The following PRELID2 variants were observed in gnomAD, a reference collection of about 807,000 sequenced individuals.
PRELID2 encodes PRELI domain-containing protein 2.
In PRELID2, 25 loss-of-function variants were observed where a neutral mutation model predicts 28.4. The observed-to-expected ratio is 0.88, with a 90% CI of 0.64 to 1.23. The LOEUF (loss-of-function observed/expected upper bound fraction) is 1.23. Ranked by LOEUF, PRELID2 falls within the 50% of genes most tolerant of loss-of-function variation. PRELID2 has a pLI of 0.00. For synonymous variants in PRELID2, 76 were observed against 71.6 expected (o/e 1.06, Z -0.31); for missense variants, 201 against 214.4 (o/e 0.94, Z 0.39).
the PRELID2 span, among the ~76,000 whole-genome samples, chr5:145,274,243 G>A: frequency 6.6e-6 from 1 of 152,142 alleles, no homozygotes; most frequent in Non-Finnish European, 1.5e-5. Context: ...CAATAGAATG[G>A]TGTATGATCC....
At chr5:145,736,012 G>A (rs1346343120) in intron 1 of PRELID2, among the ~76,000 whole-genome samples, 1 of 152,094 alleles carries the variant, frequency 6.6e-6, no homozygotes, top group Non-Finnish European at 1.5e-5. Flanking sequence ...TGTCACCCAG[G>A]ACCTCTCATC....
At chr5:145,399,243 T>C in the PRELID2 span, among the ~76,000 whole-genome samples, 2 of 152,064 alleles carry the variant, frequency 1.3e-5, no homozygotes, top group Admixed American at 1.3e-4. Context: ...AATGTGGTGA[T>C]AGAAAATGAG....
chr5:145,436,954 C>T, the PRELID2 span: 1 of 152,184 alleles, frequency 6.6e-6, no homozygotes, highest in Admixed American at 6.5e-5. Context: ...CCTAACACAT[C>T]ATATGGAATG....
At chr5:145,533,984 T>G (rs1304689794) in intron 1 of PRELID2, among the ~76,000 whole-genome samples, 1 of 152,060 alleles carries the variant, frequency 6.6e-6, no homozygotes, top group Non-Finnish European at 1.5e-5. Flanking sequence ...TGATAGAAGT[T>G]GAAATTGGTG....
At chr5:145,332,738 T>C in the PRELID2 span, among the ~76,000 whole-genome samples, 1 of 151,998 alleles carries the variant, frequency 6.6e-6, no homozygotes, top group South Asian at 2.1e-4. Context: ...AGAGGAGTTG[T>C]TATTACCCAC....
chr5:145,229,507 A>T, the PRELID2 span: 1 of 1,235,250 alleles, frequency 8.1e-7, no homozygotes. Context: ...TCAAAAAAGG[A>T]GTCCCCGTGA....
chr5:145,375,741 A>C, the PRELID2 span, among the ~76,000 whole-genome samples: 2 of 152,148 alleles, frequency 1.3e-5, no homozygotes, highest in Non-Finnish European at 2.9e-5. Context: ...AGGCCTGAAA[A>C]GGCACTCTGG....
the PRELID2 span, among the ~76,000 whole-genome samples, chr5:145,235,109 A>G: frequency 6.6e-6 from 1 of 152,152 alleles, no homozygotes; most frequent in Non-Finnish European, 1.5e-5. Flanking sequence ...ACCTTAGCAG[A>G]CTATCAGCAT....
intron 1 of PRELID2, among the ~76,000 whole-genome samples, chr5:145,723,713 G>A (rs1006073802): frequency 2.0e-5 from 3 of 152,146 alleles, no homozygotes; most frequent in Admixed American, 6.5e-5. Context: ...TGTTGGCAAG[G>A]CTTGTGAGGC....
chr5:145,510,348 T>C (rs1320553747), intron 1 of PRELID2, among the ~76,000 whole-genome samples: 8 of 152,186 alleles, frequency 5.3e-5, no homozygotes, highest in Admixed American at 2.0e-4. Context: ...TTTCTCTCCA[T>C]TGACATTGTT....
chr5:145,496,513 G>T (rs1023057748), intron 1 of PRELID2, among the ~76,000 whole-genome samples: 6 of 152,152 alleles, frequency 3.9e-5, no homozygotes, highest in African/African-American at 1.4e-4. Context: ...AGAGGGATTG[G>T]CCAGCAAGTT....
intron 1 of PRELID2, among the ~76,000 whole-genome samples, chr5:145,536,252 T>C (rs1752697788): frequency 6.6e-6 from 1 of 151,942 alleles, no homozygotes. Flanking sequence ...ATAAAAGTCA[T>C]GGTTGGATAA....
chr5:145,481,919 A>G (rs1752165904), intron 1 of PRELID2, among the ~76,000 whole-genome samples: 1 of 152,218 alleles, frequency 6.6e-6, no homozygotes, highest in Non-Finnish European at 1.5e-5. Flanking sequence ...TACAGTTGGT[A>G]TTAGTTTGTT....
chr5:145,577,112 T>A (rs1306073217), intron 1 of PRELID2, among the ~76,000 whole-genome samples: 1 of 152,096 alleles, frequency 6.6e-6, no homozygotes, highest in Non-Finnish European at 1.5e-5. Context: ...TTACAGAGCA[T>A]CTCAGACAAA....
At chr5:145,436,611 T>C in the PRELID2 span, among the ~76,000 whole-genome samples, 1 of 152,164 alleles carries the variant, frequency 6.6e-6, no homozygotes, top group Non-Finnish European at 1.5e-5. Context: ...TTTGTTTTTG[T>C]TTTTTACGTT....
chr5:145,545,450 CA>C (rs113856480), intron 1 of PRELID2, among the ~76,000 whole-genome samples: 74 of 146,846 alleles, frequency 5.0e-4, no homozygotes, highest in Middle Eastern at 3.6e-3. Context: ...GAGTAGAAGG[CA>C]AAAAAAAAAA....
chr5:145,385,398 C>A, the PRELID2 span, among the ~76,000 whole-genome samples: 1 of 152,076 alleles, frequency 6.6e-6, no homozygotes, highest in African/African-American at 2.4e-5. Flanking sequence ...TTTTGAAGTA[C>A]AAATAGTCTG....
the PRELID2 span, chr5:145,337,911 T>C: frequency 6.6e-6 from 1 of 151,580 alleles, no homozygotes; most frequent in South Asian, 2.1e-4. Flanking sequence ...TGTCCTCATA[T>C]AGTATACACA....
At chr5:145,280,394 A>T in the PRELID2 span, among the ~76,000 whole-genome samples, 1 of 152,198 alleles carries the variant, frequency 6.6e-6, no homozygotes, top group Non-Finnish European at 1.5e-5. Context: ...CACTCTACTC[A>T]ATCGTAAATT....
Sources: allele counts gnomAD v4.1 joint callset (sites outside exome capture counted in the v4.1 genomes callset), GRCh38; gene constraint gnomAD v4.1.1; transcripts MANE v1.5; gene names NCBI Gene and HGNC (gene_info 2026-07-23, HGNC 2026-07-21).